The following KCNB2 variants were observed in gnomAD, a reference collection of about 807,000 sequenced individuals.
KCNB2 encodes potassium voltage-gated channel subfamily B member 2.
KCNB2 carries 15 observed loss-of-function variants against 61.5 expected under a neutral mutation model. The observed-to-expected ratio is 0.24, with a 90% CI of 0.16 to 0.38. The LOEUF (loss-of-function observed/expected upper bound fraction) is 0.38, where lower values mean the gene tolerates loss of function less well. Ranked by LOEUF, KCNB2 falls within the 10% of genes least tolerant of loss-of-function variation. The probability of loss-of-function intolerance (pLI) is 1.00; values close to 1 mark genes in which losing one functional copy is unlikely to be tolerated. For synonymous variants in KCNB2, 457 were observed against 446.0 expected, an observed-to-expected ratio of 1.02 and a Z score of -0.31; for missense variants, 828 against 1,125.2, an observed-to-expected ratio of 0.74 and a Z score of 3.78.
chr8:72,656,616 A>G (rs1442423697), intron 2 of KCNB2, among the ~76,000 whole-genome samples: 2 of 152,174 alleles, frequency 1.3e-5, no homozygotes, highest in Non-Finnish European at 2.9e-5. Flanking sequence ...TAGTCAAGTT[A>G]CGATTATAAT....
chr8:72,915,890 G>A (rs914565599), intron 2 of KCNB2, among the ~76,000 whole-genome samples: 1 of 152,198 alleles, frequency 6.6e-6, no homozygotes, highest in African/African-American at 2.4e-5. Context: ...CTGCACTCCA[G>A]CCTGGGCAAC....
chr8:72,922,596 C>T (rs1316302792), intron 2 of KCNB2, among the ~76,000 whole-genome samples: 2 of 152,220 alleles, frequency 1.3e-5, no homozygotes, highest in African/African-American at 2.4e-5. Flanking sequence ...GGAATGCTCT[C>T]TTCAGCCTGT....
intron 2 of KCNB2, among the ~76,000 whole-genome samples, chr8:72,927,942 C>A (rs1478081473): frequency 6.6e-6 from 1 of 152,118 alleles, no homozygotes; most frequent in Non-Finnish European, 1.5e-5. Flanking sequence ...CTCCATGAAT[C>A]CTTTAAGGCC....
chr8:72,559,905 A>C lies in KCNB2; in HGVS notation c.-93-7737A>C, dbSNP rs570105848. The stretch of plus-strand genomic sequence containing the variant: ...AGCTCAGCAACTATCAACTGAGGTC[A>C]GACAAGTCATGCGACCTCAGTTTTA... On this transcript the variant is annotated intron_variant, in intron 1 of 2. Coordinates refer to ENST00000523207, the MANE Select transcript of KCNB2 (RefSeq NM_004770.3). 2.0e-5 allele frequency among the ~76,000 whole-genome samples: 3 copies of C among 152,314 alleles called. No individual in the cohort carries two copies. In the South Asian group the frequency reaches 6.2e-4, roughly 32 times the overall value.
chr8:72,793,706 T>C (rs1171108627), intron 2 of KCNB2, among the ~76,000 whole-genome samples: 1 of 152,226 alleles, frequency 6.6e-6, no homozygotes, highest in East Asian at 1.9e-4. Context: ...CTGCTACTAC[T>C]TTTAAAAGTT....
At chr8:72,591,028 G>A (rs1379455475) in intron 2 of KCNB2, among the ~76,000 whole-genome samples, 1 of 152,128 alleles carries the variant, frequency 6.6e-6, no homozygotes, top group Non-Finnish European at 1.5e-5. Flanking sequence ...CACACCTTGG[G>A]AGAGGTAAAA....
At chr8:72,733,693 A>G (rs1585859794) in intron 2 of KCNB2, among the ~76,000 whole-genome samples, 2 of 152,138 alleles carry the variant, frequency 1.3e-5, no homozygotes, top group African/African-American at 4.8e-5. Context: ...CCAGGAAGGT[A>G]GTCGTTAGGA....
intron 1 of KCNB2, among the ~76,000 whole-genome samples, chr8:72,564,580 T>G (rs1400024398): frequency 6.6e-6 from 1 of 152,180 alleles, no homozygotes; most frequent in Admixed American, 6.5e-5. Flanking sequence ...AATTGCCCCA[T>G]CTCTAATATT....
intron 2 of KCNB2, among the ~76,000 whole-genome samples, chr8:72,635,648 G>A (rs1364146492): frequency 6.6e-6 from 1 of 152,176 alleles, no homozygotes; most frequent in African/African-American, 2.4e-5. Flanking sequence ...ATAGGATGGA[G>A]GTCCTCTGCA....
chr8:72,586,217 G>A (rs1036272537), intron 2 of KCNB2, among the ~76,000 whole-genome samples: 14 of 152,296 alleles, frequency 9.2e-5, no homozygotes, highest in Admixed American at 6.5e-4. Context: ...CTGGTTACCA[G>A]TGTCAAACCC....
chr8:72,730,400 T>C (rs1481303379), intron 2 of KCNB2, among the ~76,000 whole-genome samples: 1 of 152,238 alleles, frequency 6.6e-6, no homozygotes, highest in Non-Finnish European at 1.5e-5. Context: ...GTCAATTGAA[T>C]ACTAAAATCA....
intron 2 of KCNB2, among the ~76,000 whole-genome samples, chr8:72,758,384 A>G (rs1237286782): frequency 2.6e-5 from 4 of 152,202 alleles, no homozygotes; most frequent in African/African-American, 9.6e-5. Flanking sequence ...CAGGTGTGGC[A>G]AAGTCCAGGG....
intron 2 of KCNB2, among the ~76,000 whole-genome samples, chr8:72,901,525 A>G (rs1806093458): frequency 6.6e-6 from 1 of 152,140 alleles, no homozygotes; most frequent in African/African-American, 2.4e-5. Flanking sequence ...CTTAGTGAAT[A>G]CCAAAGATCA....
intron 2 of KCNB2, among the ~76,000 whole-genome samples, chr8:72,570,866 T>C (rs759344101): frequency 6.6e-6 from 1 of 152,216 alleles, no homozygotes; most frequent in Non-Finnish European, 1.5e-5. Flanking sequence ...TTATTCAGTA[T>C]GGTAATTTAG....
At chr8:72,715,747 A>C (rs569369684) in intron 2 of KCNB2, among the ~76,000 whole-genome samples, 1 of 152,230 alleles carries the variant, frequency 6.6e-6, no homozygotes, top group South Asian at 2.1e-4. Context: ...TCACAATTAA[A>C]AGAACTAGAG....
At chr8:72,785,682 G>A (rs1808835152) in intron 2 of KCNB2, among the ~76,000 whole-genome samples, 1 of 152,058 alleles carries the variant, frequency 6.6e-6, no homozygotes, top group African/African-American at 2.4e-5. Context: ...TTTTGTTAGT[G>A]TATTTCTAAA....
At chr8:72,576,460 T>G (rs1315548968) in intron 2 of KCNB2, among the ~76,000 whole-genome samples, 1 of 152,232 alleles carries the variant, frequency 6.6e-6, no homozygotes, top group Non-Finnish European at 1.5e-5. Flanking sequence ...TATAAAGCTC[T>G]CAGGACACAT....
rs73686520 is a variant in KCNB2 at position 72,792,047 on chromosome 8, T to C, written c.580-143888T>C. Among the ~76,000 whole-genome samples, 411 of 152,308 alleles carry C rather than the reference T, an allele frequency of 2.7e-3. 2 individuals carry two copies. Among genetic ancestry groups the C allele is most frequent in the African/African-American group, 8.6e-3 (356 of 41,572 alleles). ...TTATAGACATGGTTCATGTTTACTA[T>C]AGCAATCCAATGAGGAAGGATGTCT... is the stretch of plus-strand genomic sequence containing the variant. On this transcript the variant is annotated intron_variant, in intron 2 of 2. Coordinates refer to ENST00000523207, the MANE Select transcript of KCNB2 (RefSeq NM_004770.3).
At chr8:72,723,242 T>C (rs1807581032) in intron 2 of KCNB2, among the ~76,000 whole-genome samples, 1 of 152,198 alleles carries the variant, frequency 6.6e-6, no homozygotes, top group Admixed American at 6.5e-5. Context: ...TGCCTCACTT[T>C]AAGTAGAACA....
Sources: allele counts gnomAD v4.1 joint callset (sites outside exome capture counted in the v4.1 genomes callset), GRCh38; gene constraint gnomAD v4.1.1; transcripts MANE v1.5; gene names NCBI Gene and HGNC (gene_info 2026-07-23, HGNC 2026-07-21).